ADRA1A: variants seen among roughly 807,000 people sequenced by gnomAD.
ADRA1A encodes alpha-1A adrenergic receptor.
In ADRA1A, 31 loss-of-function variants were observed where a neutral mutation model predicts 29.6. That is an observed-to-expected ratio of 1.05 (90% confidence interval 0.79 to 1.41). ADRA1A has a LOEUF of 1.41. Among genes scored for constraint, ADRA1A ranks in the 40% most tolerant of loss-of-function variants. The pLI, the probability that ADRA1A is intolerant of heterozygous loss-of-function variation, is 0.00. For synonymous variants in ADRA1A, 311 were observed against 254.3 expected, an observed-to-expected ratio of 1.22 and a Z score of -2.12; for missense variants, 619 against 601.1, an observed-to-expected ratio of 1.03 and a Z score of -0.31.
chr8:26,867,100 T>C lies in ADRA1A; in HGVS notation c.-851A>G, dbSNP rs986730880. ...ACCCGCTGACTCACCCCTCCACCAC[T>C]GATGTCTTTAAGCTCCTGAACCGCT... On this transcript the variant is annotated 5_prime_UTR_variant, in exon 1 of 3. Transcript: ENST00000380573. The C allele has an allele frequency of 4.1e-5, 40 of 985,470 alleles. No individual in the cohort carries two copies. The African/African-American group carries it at 6.1e-4, about 15-fold the overall frequency. The allele number at this position is 985,470 out of a possible 1,614,324, so 61.0% of individuals were successfully genotyped here.
intron 2 of ADRA1A, chr8:26,853,654 A>C (rs987426583): frequency 2.0e-5 from 3 of 152,204 alleles, no homozygotes; most frequent in African/African-American, 7.2e-5. Flanking sequence ...TTTTGAGACT[A>C]TCTGGCTAAC....
Position 26,831,311 on chromosome 8 carries a change from G to T in ADRA1A, c.883+32776C>A, listed in dbSNP as rs867878702. On this transcript the variant is annotated intron_variant, in intron 2 of 2. Transcript: ENST00000380573. This position sits in a 1 kb window ranked among gnomAD's most constrained non-coding sequence, Gnocchi z 5.2. ...CTGTGTCACAAAAACAGCATATAGG[G>T]TCAGCTTAATTTCACACACAAGTAA... 1.2e-4 allele frequency among the ~76,000 whole-genome samples: 19 copies of T among 152,264 alleles called. No homozygotes were observed. The South Asian group carries it at 2.9e-3, about 23-fold the overall frequency.
At chr8:26,827,226 C>G (rs1043850562) in intron 2 of ADRA1A, among the ~76,000 whole-genome samples, 1 of 152,148 alleles carries the variant, frequency 6.6e-6, no homozygotes, top group African/African-American at 2.4e-5. Context: ...AAAACTGCCA[C>G]AAGATGATAA....
rs776269898 is a variant in ADRA1A, at chr8:26,864,681, C to A, written c.289G>T (p.Val97Phe). The change falls in exon 2 of 3, where the codon GTC becomes TTC. Residue 97 changes from valine to phenylalanine, a missense_variant. Val to Phe is a conservative substitution (Grantham distance 50). Transcript: ENST00000380573. The surrounding 1 kb of genome is among the most constrained non-coding windows in gnomAD (Gnocchi z 8.1). ...EVLGYWAFGRVFCNIWAAVDV... is the reference protein window; with the variant it reads ...EVLGYWAFGRFFCNIWAAVDV... Reference sequence around the variant, plus strand: ...ACTGCCGCCCAGATGTTGCAGAAGACCCTGCCGAAGGCCCAGTAGCCTAGG... The same window carrying A: ...ACTGCCGCCCAGATGTTGCAGAAGAACCTGCCGAAGGCCCAGTAGCCTAGG... The A allele has an allele frequency of 1.2e-6, 2 of 1,614,022 alleles. No homozygotes were observed. Among genetic ancestry groups the A allele is most frequent in the African/African-American group, 2.7e-5 (2 of 74,912 alleles).
At chr8:26,797,437 T>C (rs1169293838) in intron 2 of ADRA1A, among the ~76,000 whole-genome samples, 2 of 151,872 alleles carry the variant, frequency 1.3e-5, no homozygotes, top group African/African-American at 4.8e-5. Context: ...GCTGGGACTA[T>C]AGGCATGAGC....
chr8:26,760,854 A>C (rs116454525), downstream of ADRA1A, among the ~76,000 whole-genome samples: 3,135 of 152,222 alleles, frequency 0.021, 115 homozygotes, highest in African/African-American at 0.069. Flanking sequence ...TGCACACCTA[A>C]CTGGGATCTT....
chr8:26,851,202 G>T (rs1478891385), intron 2 of ADRA1A, among the ~76,000 whole-genome samples: 1 of 152,208 alleles, frequency 6.6e-6, no homozygotes, highest in Non-Finnish European at 1.5e-5. Context: ...AGGTTTTAAA[G>T]AGAAGGGAAA....
Position 26,792,049 on chromosome 8 carries a change from T to C in ADRA1A, c.884-21383A>G, listed in dbSNP as rs185545874. Among the ~76,000 whole-genome samples, 772 of 152,266 alleles carry C rather than the reference T, an allele frequency of 5.1e-3. 2 individuals are homozygous for C. The highest frequency in any genetic ancestry group is 8.1e-3 in the Non-Finnish European group (553 of 68,004). ...GGACAAGGAGCACTAGAATGGAGGC[T>C]GGTAAACAGTAGGAATACAATACAT... is the stretch of plus-strand genomic sequence containing the variant. On this transcript the variant is annotated intron_variant, in intron 2 of 2. Transcript: ENST00000380573.
chr8:26,803,826 G>A (rs934154442), intron 2 of ADRA1A, among the ~76,000 whole-genome samples: 3 of 151,570 alleles, frequency 2.0e-5, no homozygotes, highest in African/African-American at 4.9e-5. Flanking sequence ...GCTCAGCATC[G>A]CCAGTCATCA....
chr8:26,864,401 A>G lies in ADRA1A; in HGVS notation c.569T>C (p.Leu190Pro), dbSNP rs750389026. The change falls in exon 2 of 3, where the codon CTG becomes CCG. Residue 190 changes from leucine (L) to proline (P), a missense_variant. Leu to Pro is a moderately conservative substitution (Grantham distance 98). Coordinates refer to ENST00000380573, the MANE Select transcript of ADRA1A (RefSeq NM_000680.4). The surrounding 1 kb of genome is among the most constrained non-coding windows in gnomAD (Gnocchi z 8.1). Reference sequence around the variant, plus strand: ...GGCCAGAGGCAGGTAGAAGGAGCCCAGCGCTGAGAAGAGCACGTAGCCCGG... The same window carrying G: ...GGCCAGAGGCAGGTAGAAGGAGCCCGGCGCTGAGAAGAGCACGTAGCCCGG... ...EEPGYVLFSA[L>P]GSFYLPLAII... The G allele has an allele frequency of 1.2e-6, 2 of 1,613,650 alleles. No individual in the cohort carries two copies. Among genetic ancestry groups the G allele is most frequent in the Admixed American group, 3.3e-5 (2 of 60,018 alleles).
Position 26,769,883 on chromosome 8 carries a change from T to C in ADRA1A, c.*266A>G, listed in dbSNP as rs1384687492. 4 of 1,196,898 alleles carry C rather than the reference T, an allele frequency of 3.3e-6. No individual in the cohort carries two copies. Among genetic ancestry groups the C allele is most frequent in the South Asian group, 8.0e-5 (2 of 25,128 alleles). The allele number at this position is 1,196,898 out of a possible 1,614,324, so 74.1% of individuals were successfully genotyped here. ...ATTCTGTTTCCCATGGTGGTTTTCG[T>C]TGAAGTGGGCACAGAGTGACCAAGA... On this transcript the variant is annotated 3_prime_UTR_variant, in exon 3 of 3. Coordinates refer to ENST00000380573, the MANE Select transcript of ADRA1A (RefSeq NM_000680.4).
At chr8:26,817,649 A>G (rs1172055806) in intron 2 of ADRA1A, among the ~76,000 whole-genome samples, 1 of 152,142 alleles carries the variant, frequency 6.6e-6, no homozygotes, top group Non-Finnish European at 1.5e-5. Context: ...ATGGTGGCAG[A>G]TGCCTGTAGA....
chr8:26,770,322 T>C lies in ADRA1A; in HGVS notation c.1228A>G (p.Ile410Val). Reference sequence around the variant, plus strand: ...GAGGATTGGTCTTTGGACACTGTAATCCTGGCAGATCCACGGGGCATGGAA... The same window carrying C: ...GAGGATTGGTCTTTGGACACTGTAACCCTGGCAGATCCACGGGGCATGGAA... ...FSSMPRGSAR[I>V]TVSKDQSSCT... The change falls in exon 3 of 3, where the codon ATT becomes GTT. Residue 410 changes from isoleucine (I) to valine (V), a missense_variant. Physicochemically the swap from Ile to Val is conservative, Grantham distance 29. Transcript: ENST00000380573. 6.2e-7 allele frequency: 1 copy of C among 1,614,188 alleles called. No individual in the cohort carries two copies. Among genetic ancestry groups the C allele is most frequent in the Non-Finnish European group, 8.5e-7 (1 of 1,180,030 alleles).
At chr8:26,772,397 C>T (rs1044967833) in intron 2 of ADRA1A, among the ~76,000 whole-genome samples, 1 of 152,200 alleles carries the variant, frequency 6.6e-6, no homozygotes, top group Non-Finnish European at 1.5e-5. Context: ...GACTTTCCTT[C>T]CACCTCCTTT....
chr8:26,761,083 G>T (rs1030194984), downstream of ADRA1A, among the ~76,000 whole-genome samples: 2 of 152,218 alleles, frequency 1.3e-5, no homozygotes, highest in Non-Finnish European at 2.9e-5. Context: ...CCATCCAGGA[G>T]TTCTCCTCTA....
chr8:26,748,509 G>A (rs1448188557), exon 3 of ADRA1A: 1 of 281,120 alleles, frequency 3.6e-6, no homozygotes, highest in African/African-American at 2.3e-5. Context: ...GGGAGGCTGA[G>A]GCAGGCAGAT....
At chr8:26,782,401 G>A (rs1807061726) in intron 2 of ADRA1A, among the ~76,000 whole-genome samples, 1 of 152,160 alleles carries the variant, frequency 6.6e-6, no homozygotes, top group East Asian at 1.9e-4. Context: ...GTATAGCTGG[G>A]CAGACCAAAT....
chr8:26,767,239 A>T (rs980843357), downstream of ADRA1A, among the ~76,000 whole-genome samples: 3 of 152,220 alleles, frequency 2.0e-5, no homozygotes, highest in East Asian at 5.8e-4. Context: ...ATAACACATT[A>T]GAGAAGACAT....
intron 2 of ADRA1A, among the ~76,000 whole-genome samples, chr8:26,844,863 G>A (rs1309344013): frequency 6.6e-6 from 1 of 152,174 alleles, no homozygotes; most frequent in Admixed American, 6.5e-5. Flanking sequence ...GACCACAGTG[G>A]AAGAAGAAGA....
Sources: gnomAD v4.1 joint callset for allele counts (sites outside exome capture counted in the v4.1 genomes callset) on GRCh38, gnomAD v4.1.1 for gene constraint, Gnocchi (gnomAD v3.1) non-coding constraint, MANE v1.5 for transcripts, NCBI Gene and HGNC (gene_info 2026-07-23, HGNC 2026-07-21) for gene names.